The following SPMIP5 variants were observed in gnomAD, a reference collection of about 807,000 sequenced individuals.
The protein encoded by SPMIP5 is sperm-associated microtubule inner protein 5.
chr10:116,666,209 G>A, the SPMIP5 span, among the ~76,000 whole-genome samples: 3 of 152,110 alleles, frequency 2.0e-5, no homozygotes, highest in East Asian at 1.9e-4. Flanking sequence ...TATTTTCCTC[G>A]ACACTTCCCA....
chr10:116,666,647 G>A, the SPMIP5 span, among the ~76,000 whole-genome samples: 1 of 152,006 alleles, frequency 6.6e-6, no homozygotes, highest in African/African-American at 2.4e-5. Flanking sequence ...ACCCCCTCTG[G>A]AAGAACCTAA....
At chr10:116,663,866 G>GC in the SPMIP5 span, 2 of 1,486,438 alleles carry the variant, frequency 1.3e-6, no homozygotes, top group Non-Finnish European at 1.8e-6. Context: ...GGTTTTGGAA[G>GC]CCCCACTTAA....
chr10:116,665,222 C>G, the SPMIP5 span: 13 of 735,544 alleles, frequency 1.8e-5, no homozygotes, highest in Non-Finnish European at 2.4e-5. Flanking sequence ...CATGGTGAAA[C>G]CCCGTCTCTA....
At chr10:116,662,225 ATTTC>A in the SPMIP5 span, among the ~76,000 whole-genome samples, 1 of 152,016 alleles carries the variant, frequency 6.6e-6, no homozygotes, top group Non-Finnish European at 1.5e-5. Context: ...TAAAACAGCC[ATTTC>A]TTTATTCTTA....
chr10:116,668,325 T>C, the SPMIP5 span: 1 of 1,608,452 alleles, frequency 6.2e-7, no homozygotes, highest in Admixed American at 1.7e-5. Context: ...TTTCGCTCTC[T>C]GTTAGTGGAG....
At chr10:116,663,642 C>T in the SPMIP5 span, 1 of 387,198 alleles carries the variant, frequency 2.6e-6, no homozygotes, top group East Asian at 5.2e-5. Flanking sequence ...GGGTTAGGAA[C>T]CCTAGCTCAT....
chr10:116,663,984 A>C, the SPMIP5 span: 1 of 1,542,214 alleles, frequency 6.5e-7, no homozygotes, highest in Non-Finnish European at 8.7e-7. Flanking sequence ...GCCTCTGAGC[A>C]CAGCCACATG....
chr10:116,664,254 G>A, the SPMIP5 span: 5 of 1,602,874 alleles, frequency 3.1e-6, no homozygotes, highest in African/African-American at 5.4e-5. Flanking sequence ...AGTTTTTGTG[G>A]AGCTAACTCC....
chr10:116,668,086 C>T, the SPMIP5 span, among the ~76,000 whole-genome samples: 2 of 152,190 alleles, frequency 1.3e-5, no homozygotes, highest in Non-Finnish European at 2.9e-5. Flanking sequence ...CCTCAGAACC[C>T]GGCCATCAGC....
the SPMIP5 span, chr10:116,665,831 A>G: frequency 1.2e-6 from 2 of 1,603,668 alleles, no homozygotes; most frequent in Non-Finnish European, 1.7e-6. Flanking sequence ...CAAAGCCTGC[A>G]AGAGCCGAAT....
At chr10:116,664,111 A>T in the SPMIP5 span, 3 of 1,613,844 alleles carry the variant, frequency 1.9e-6, no homozygotes, top group Non-Finnish European at 2.5e-6. Context: ...CAGAAAGGCC[A>T]CTGCAAACAT....
chr10:116,668,346 A>C, the SPMIP5 span: 1 of 1,567,670 alleles, frequency 6.4e-7, no homozygotes. Context: ...GGAAGAGGGA[A>C]TGAAACGGTC....
chr10:116,664,909 T>C, the SPMIP5 span: 9 of 1,614,054 alleles, frequency 5.6e-6, no homozygotes, highest in Admixed American at 1.3e-4. Context: ...CAGCCAGGGA[T>C]CGGGGGCTCC....
chr10:116,663,251 T>C, the SPMIP5 span, among the ~76,000 whole-genome samples: 2 of 151,056 alleles, frequency 1.3e-5, no homozygotes, highest in African/African-American at 2.4e-5. Context: ...CTGGAGTTAG[T>C]AGCAAGAAAT....
chr10:116,668,319 GCT>G, the SPMIP5 span: 707 of 1,610,598 alleles, frequency 4.4e-4, 4 homozygotes, highest in African/African-American at 8.5e-3. Context: ...CCATGATTTC[GCT>G]CTCTGTTAGT....
At chr10:116,662,949 G>A in the SPMIP5 span, among the ~76,000 whole-genome samples, 161 of 152,180 alleles carry the variant, frequency 1.1e-3, 2 homozygotes, top group Admixed American at 2.4e-3. Flanking sequence ...TTGGGAGGCC[G>A]AGGCAGGCGG....
At chr10:116,669,918 A>T in the SPMIP5 span, 1 of 152,242 alleles carries the variant, frequency 6.6e-6, no homozygotes, top group African/African-American at 2.4e-5. Context: ...ATCCCACCTC[A>T]GCGCTCACCT....
the SPMIP5 span, chr10:116,668,395 G>A: frequency 5.0e-6 from 6 of 1,204,780 alleles, no homozygotes; most frequent in East Asian, 1.1e-4. Flanking sequence ...ACTATTGAGT[G>A]TGCACAAGCT....
the SPMIP5 span, chr10:116,669,843 G>A: frequency 2.6e-5 from 4 of 152,204 alleles, no homozygotes; most frequent in African/African-American, 9.7e-5. Context: ...GAAGAAAGGC[G>A]GTGTCCTGAG....
Sources: gnomAD v4.1 joint callset for allele counts (sites outside exome capture counted in the v4.1 genomes callset) on GRCh38, gnomAD v4.1.1 for gene constraint, MANE v1.5 for transcripts, NCBI Gene and HGNC (gene_info 2026-07-23, HGNC 2026-07-21) for gene names.